CTIF: variants seen among roughly 807,000 people sequenced by gnomAD.
The protein encoded by CTIF is cap binding complex dependent translation initiation factor.
Under a neutral mutation model 66.0 loss-of-function variants are expected in CTIF, and 21 were observed. The ratio of observed to expected loss-of-function variants is 0.32; its 90% CI spans 0.23 to 0.46. The LOEUF (loss-of-function observed/expected upper bound fraction) is 0.46. Among genes scored for constraint, CTIF ranks in the 20% least tolerant of loss-of-function variants. The probability of loss-of-function intolerance (pLI) is 1.00; values close to 1 mark genes in which losing one functional copy is unlikely to be tolerated. For missense variants in CTIF, 739 were observed against 812.7 expected, an observed-to-expected ratio of 0.91 and a Z score of 1.10; for synonymous variants, 345 against 326.4, an observed-to-expected ratio of 1.06 and a Z score of -0.62.
intron 2 of CTIF, among the ~76,000 whole-genome samples, chr18:48,633,411 TA>T (rs2090756885): frequency 6.7e-6 from 1 of 150,280 alleles, no homozygotes; most frequent in South Asian, 2.2e-4. Flanking sequence ...TACATTATTC[TA>T]AAAATGTGGA....
intron 1 of CTIF, among the ~76,000 whole-genome samples, chr18:48,614,359 TACCCCAAAG>T (rs1184139691): frequency 6.6e-6 from 1 of 152,204 alleles, no homozygotes; most frequent in Non-Finnish European, 1.5e-5. Context: ...TCTAGGTGGA[TACCCCAAAG>T]AATAAACAGG....
Position 48,631,985 on chromosome 18 carries a change from G to T in CTIF, c.181-4629G>T, listed in dbSNP as rs75616740. Reference sequence around the variant, plus strand: ...TCCTATAGATCAGGACAGGTTCTGGGGAGGTCCATTTCTGGAGATTTTCTA... The same window carrying T: ...TCCTATAGATCAGGACAGGTTCTGGTGAGGTCCATTTCTGGAGATTTTCTA... On this transcript the variant is annotated intron_variant, in intron 2 of 11. Coordinates refer to ENST00000256413, the MANE Select transcript of CTIF (RefSeq NM_014772.3). 6.8e-3 allele frequency among the ~76,000 whole-genome samples: 1,034 copies of T among 152,276 alleles called. 9 individuals carry two copies. The highest frequency in any genetic ancestry group is 0.024 in the African/African-American group (1,003 of 41,550).
intron 10 of CTIF, among the ~76,000 whole-genome samples, chr18:48,845,572 G>A (rs966732132): frequency 2.0e-5 from 3 of 151,940 alleles, no homozygotes; most frequent in South Asian, 2.1e-4. Flanking sequence ...AGCCCCTGCC[G>A]TCTTCTCTTC....
intron 6 of CTIF, among the ~76,000 whole-genome samples, chr18:48,684,907 A>G (rs950442299): frequency 6.6e-6 from 1 of 152,250 alleles, no homozygotes; most frequent in Admixed American, 6.5e-5. Context: ...TCTAATTGTC[A>G]TATCAGGAAA....
At chr18:48,635,647 G>T (rs2090806320) in intron 2 of CTIF, among the ~76,000 whole-genome samples, 1 of 152,000 alleles carries the variant, frequency 6.6e-6, no homozygotes, top group Admixed American at 6.6e-5. Context: ...TATCATGCAG[G>T]GTGTAGGTTA....
chr18:48,657,634 G>A (rs1266057658), intron 3 of CTIF, among the ~76,000 whole-genome samples: 8 of 152,094 alleles, frequency 5.3e-5, no homozygotes, highest in Non-Finnish European at 1.0e-4. Flanking sequence ...TGCTGTGAAC[G>A]GCATGTGCTA....
Position 48,646,506 on chromosome 18 carries a change from G to A in CTIF, c.252+9821G>A, listed in dbSNP as rs185468063. 1.2e-3 allele frequency among the ~76,000 whole-genome samples: 189 copies of A among 152,048 alleles called. 1 individual carries two copies. In the South Asian group the frequency reaches 0.015, roughly 12 times the overall value. ...TCATGCCTGTAATCTTAACACTCTGGGAGGCCGAGGCGGGTGGATTGCCTA... is the reference window on the plus strand; with the variant it reads ...TCATGCCTGTAATCTTAACACTCTGAGAGGCCGAGGCGGGTGGATTGCCTA... On this transcript the variant is annotated intron_variant, in intron 3 of 11. Coordinates refer to ENST00000256413, the MANE Select transcript of CTIF (RefSeq NM_014772.3).
rs1336288132 is a variant in CTIF, at chr18:48,763,416, C to T, written c.1371+1727C>T. Among the ~76,000 whole-genome samples, 4 of 152,346 alleles carry T rather than the reference C, an allele frequency of 2.6e-5. No homozygotes were observed. The East Asian group carries it at 7.7e-4, about 29-fold the overall frequency. ...CCATCAATCCTGGGGAACAGTCAGC[C>T]ACAAAGGGGGCCCTATGGCCCCTGC... On this transcript the variant is annotated intron_variant, in intron 9 of 11. Transcript: ENST00000256413.
At chr18:48,757,666 G>A (rs1206102285) in intron 7 of CTIF, among the ~76,000 whole-genome samples, 1 of 152,178 alleles carries the variant, frequency 6.6e-6, no homozygotes, top group African/African-American at 2.4e-5. Context: ...ATTCTAGTAA[G>A]CGAATAAAGT....
intron 9 of CTIF, among the ~76,000 whole-genome samples, chr18:48,766,301 G>A (rs958566527): frequency 6.6e-6 from 1 of 152,088 alleles, no homozygotes; most frequent in African/African-American, 2.4e-5. Flanking sequence ...TAGTGCTCTA[G>A]TCCAGGGACC....
chr18:48,820,484 C>A (rs1039981553), intron 10 of CTIF, among the ~76,000 whole-genome samples: 1 of 152,044 alleles, frequency 6.6e-6, no homozygotes, highest in African/African-American at 2.4e-5. Flanking sequence ...GCCCTGAGAT[C>A]CCCCCAACTC....
At chr18:48,851,969 C>G (rs1219700848) in intron 10 of CTIF, among the ~76,000 whole-genome samples, 3 of 151,998 alleles carry the variant, frequency 2.0e-5, no homozygotes, top group Admixed American at 6.6e-5. Context: ...TGGTTCATGC[C>G]TATAATTTAC....
At chr18:48,564,866 G>A (rs1467226832) in intron 1 of CTIF, 5 of 151,986 alleles carry the variant, frequency 3.3e-5, no homozygotes, top group Non-Finnish European at 7.3e-5. Context: ...CAATCCTCCT[G>A]CCTCAGCCTC....
chr18:48,741,764 C>A (rs530199112), intron 7 of CTIF, among the ~76,000 whole-genome samples: 60 of 152,208 alleles, frequency 3.9e-4, no homozygotes, highest in African/African-American at 1.3e-3. Flanking sequence ...CAGTTTCCCA[C>A]CCAAAAGAAG....
intron 7 of CTIF, among the ~76,000 whole-genome samples, chr18:48,742,546 C>G (rs575092555): frequency 2.6e-5 from 4 of 152,374 alleles, no homozygotes; most frequent in East Asian, 1.9e-4. Flanking sequence ...GCCCAGAGTC[C>G]TGACTTATCA....
chr18:48,557,818 C>A (rs2089058570), intron 1 of CTIF, among the ~76,000 whole-genome samples: 1 of 152,216 alleles, frequency 6.6e-6, no homozygotes, highest in Non-Finnish European at 1.5e-5. Context: ...CACGGTCTCT[C>A]CTCTGTGTTT....
intron 9 of CTIF, among the ~76,000 whole-genome samples, chr18:48,774,230 C>G (rs529480184): frequency 2.6e-5 from 4 of 152,308 alleles, no homozygotes; most frequent in African/African-American, 9.6e-5. Context: ...TAGGTCTTCC[C>G]TCTCTGGGCC....
intron 1 of CTIF, among the ~76,000 whole-genome samples, chr18:48,578,629 G>A (rs2089587339): frequency 6.6e-6 from 1 of 152,156 alleles, no homozygotes; most frequent in South Asian, 2.1e-4. Context: ...AGGTTTAGAT[G>A]TTTATCCAAG....
intron 1 of CTIF, among the ~76,000 whole-genome samples, chr18:48,588,545 G>A (rs1191777615): frequency 2.0e-5 from 3 of 152,134 alleles, no homozygotes; most frequent in African/African-American, 7.2e-5. Flanking sequence ...CTGTCACCTA[G>A]CTGATCCCCC....
Sources: gnomAD v4.1 joint callset for allele counts (sites outside exome capture counted in the v4.1 genomes callset) on GRCh38, gnomAD v4.1.1 for gene constraint, MANE v1.5 for transcripts, NCBI Gene and HGNC (gene_info 2026-07-23, HGNC 2026-07-21) for gene names.